Variants in CENPC observed in about 807,000 individuals in gnomAD.
The protein encoded by CENPC is CENP-C 1.
Under a neutral mutation model 112.1 loss-of-function variants are expected in CENPC, and 63 were observed. The ratio of observed to expected loss-of-function variants is 0.56; its 90% CI spans 0.46 to 0.69. The LOEUF (loss-of-function observed/expected upper bound fraction) is 0.69. Among genes scored for constraint, CENPC ranks in the 30% least tolerant of loss-of-function variants. The probability of loss-of-function intolerance (pLI) is 0.00; values close to 1 mark genes in which losing one functional copy is unlikely to be tolerated. For missense variants in CENPC, 1,000 were observed against 1,103.8 expected, an observed-to-expected ratio of 0.91 and a Z score of 1.33; for synonymous variants, 333 against 367.6, an observed-to-expected ratio of 0.91 and a Z score of 1.08.
At chr4:67,540,786 AT>A (rs1287676864) in intron 3 of CENPC, among the ~76,000 whole-genome samples, 193 bp downstream of exon 3, 1 of 152,206 alleles carries the variant, frequency 6.6e-6, no homozygotes, top group Non-Finnish European at 1.5e-5. Context: ...TCAAATTATT[AT>A]TTTTTGTCAG....
At chr4:67,519,834 T>C (rs1389842252) in intron 5 of CENPC, among the ~76,000 whole-genome samples, 1 of 152,198 alleles carries the variant, frequency 6.6e-6, no homozygotes, top group Non-Finnish European at 1.5e-5. Flanking sequence ...TTATCTATAA[T>C]GAGAAAATTT....
chr4:67,491,106 T>C (rs1360944582), intron 16 of CENPC, among the ~76,000 whole-genome samples: 1 of 150,942 alleles, frequency 6.6e-6, no homozygotes, highest in East Asian at 1.9e-4. Flanking sequence ...TCTATTTTCA[T>C]GGCCAAAATT....
intron 10 of CENPC, among the ~76,000 whole-genome samples, chr4:67,507,736 A>G (rs1359565933): frequency 6.6e-6 from 1 of 152,156 alleles, no homozygotes; most frequent in Non-Finnish European, 1.5e-5. Flanking sequence ...TTCCCAACTC[A>G]TTGTATAAAG....
At chr4:67,516,027 A>G (rs556391514) in intron 7 of CENPC, among the ~76,000 whole-genome samples, 1 of 152,022 alleles carries the variant, frequency 6.6e-6, no homozygotes, top group African/African-American at 2.4e-5. Context: ...CTAAAGAGTA[A>G]GACAGACAAT....
At chr4:67,477,151 C>T (rs1047155293) in intron 17 of CENPC, among the ~76,000 whole-genome samples, 2 of 152,180 alleles carry the variant, frequency 1.3e-5, no homozygotes, top group Admixed American at 6.5e-5. Flanking sequence ...AATACTTACC[C>T]AGGCAACCTG....
chr4:67,480,466 G>T (rs1724922787), intron 17 of CENPC, among the ~76,000 whole-genome samples: 1 of 150,560 alleles, frequency 6.6e-6, no homozygotes, highest in South Asian at 2.1e-4. Flanking sequence ...AGAAGAAATA[G>T]AAACTCTAAA....
At chr4:67,494,695 A>G (rs1415202779) in intron 13 of CENPC, among the ~76,000 whole-genome samples, 1 of 152,198 alleles carries the variant, frequency 6.6e-6, no homozygotes, top group Non-Finnish European at 1.5e-5. Context: ...TGACTGGCAA[A>G]TATCTCTTTG....
At chr4:67,503,162 C>T (rs1725639529) in intron 12 of CENPC, among the ~76,000 whole-genome samples, 1 of 152,098 alleles carries the variant, frequency 6.6e-6, no homozygotes, top group Non-Finnish European at 1.5e-5. Flanking sequence ...ATCTTTCATT[C>T]TGTTGCCTCT....
chr4:67,527,654 C>T (rs1464481510), intron 5 of CENPC, among the ~76,000 whole-genome samples: 1 of 151,892 alleles, frequency 6.6e-6, no homozygotes, highest in African/African-American at 2.4e-5. Flanking sequence ...GCACATGCCA[C>T]TGCACAAGCT....
chr4:67,505,420 C>CA (rs1319422635), intron 11 of CENPC, 136 bp from the exon 12 acceptor site: 12 of 619,106 alleles, frequency 1.9e-5, no homozygotes, highest in Non-Finnish European at 1.4e-5. Flanking sequence ...TACAAGTCAT[C>CA]AAAAATATAT....
Position 67,472,513 on chromosome 4 carries a change from C to T in CENPC, c.*92G>A, listed in dbSNP as rs958997825. 1.9e-5 allele frequency: 24 copies of T among 1,266,832 alleles called. No homozygotes were observed. The African/African-American group carries it at 2.0e-4, about 11-fold the overall frequency. 78.5% of individuals were successfully genotyped at this position (1,266,832 alleles called of 1,614,324 possible). A position where few individuals can be genotyped will look rare whatever the true frequency, so the allele number is the denominator to read the frequency against. On this transcript the variant is annotated 3_prime_UTR_variant, in exon 19 of 19. Transcript: ENST00000273853. ...GAATAAAATTTTTATTTTAAAACATCACAAGTAATTACAAAGACAAATATT... is the reference window on the plus strand; with the variant it reads ...GAATAAAATTTTTATTTTAAAACATTACAAGTAATTACAAAGACAAATATT...
intron 12 of CENPC, among the ~76,000 whole-genome samples, chr4:67,502,434 C>T (rs1250018872): frequency 6.6e-6 from 1 of 152,072 alleles, no homozygotes; most frequent in Non-Finnish European, 1.5e-5. Context: ...AAGCAGAAGT[C>T]ACAATACTAA....
chr4:67,491,667 T>C (rs1725286559), intron 16 of CENPC, among the ~76,000 whole-genome samples: 1 of 151,814 alleles, frequency 6.6e-6, no homozygotes, highest in Non-Finnish European at 1.5e-5. Flanking sequence ...CAGCACCAGC[T>C]TTAAGGTTAA....
chr4:67,524,456 T>C (rs917046917), intron 5 of CENPC, among the ~76,000 whole-genome samples: 1 of 152,172 alleles, frequency 6.6e-6, no homozygotes, highest in Non-Finnish European at 1.5e-5. Flanking sequence ...GTCCCAAAAC[T>C]CCTTAAGCTC....
intron 4 of CENPC, among the ~76,000 whole-genome samples, chr4:67,533,949 G>A (rs770618084): frequency 3.3e-5 from 5 of 152,084 alleles, no homozygotes; most frequent in Non-Finnish European, 5.9e-5. Context: ...GAGGCAGGAG[G>A]ATCACTTGAG....
At chr4:67,507,281 C>A (rs531652470) in intron 10 of CENPC, among the ~76,000 whole-genome samples, 20 of 152,236 alleles carry the variant, frequency 1.3e-4, no homozygotes, top group Admixed American at 6.5e-5. Flanking sequence ...AAATTGGCTT[C>A]TTTGATATCC....
intron 12 of CENPC, among the ~76,000 whole-genome samples, chr4:67,503,535 G>T (rs1002954974): frequency 6.6e-6 from 1 of 151,996 alleles, no homozygotes; most frequent in Non-Finnish European, 1.5e-5. Context: ...AATTAAGCTG[G>T]AGGGCAGAAA....
At chr4:67,534,917 A>G (rs964494098) in intron 4 of CENPC, among the ~76,000 whole-genome samples, 5 of 152,204 alleles carry the variant, frequency 3.3e-5, no homozygotes, top group Non-Finnish European at 7.3e-5. Flanking sequence ...AAACTGAAGA[A>G]ATATTTATGA....
At chr4:67,488,114 C>A (rs971059113) in intron 17 of CENPC, among the ~76,000 whole-genome samples, 1 of 151,614 alleles carries the variant, frequency 6.6e-6, no homozygotes, top group African/African-American at 2.4e-5. Flanking sequence ...ATTTTATTTA[C>A]ATTTTTAAAT....
Sources: allele counts gnomAD v4.1 joint callset (sites outside exome capture counted in the v4.1 genomes callset), GRCh38; gene constraint gnomAD v4.1.1; transcripts MANE v1.5; gene names NCBI Gene and HGNC (gene_info 2026-07-23, HGNC 2026-07-21).